The following KIAA1217 variants were observed in gnomAD, a reference collection of about 807,000 sequenced individuals.
KIAA1217 encodes sickle tail protein homolog.
A neutral mutation model predicts 163.9 loss-of-function variants in KIAA1217; 88 were observed. The ratio of observed to expected loss-of-function variants is 0.54; its 90% confidence interval spans 0.45 to 0.64. The LOEUF (loss-of-function observed/expected upper bound fraction) is 0.64. Among genes scored for constraint, KIAA1217 ranks in the 30% least tolerant of loss-of-function variants. The probability of loss-of-function intolerance (pLI) is 0.00; values close to 1 mark genes in which losing one functional copy is unlikely to be tolerated. For synonymous variants in KIAA1217, 903 were observed against 923.1 expected (o/e 0.98, Z 0.39); for missense variants, 2,372 against 2,475.0 (o/e 0.96, Z 0.88).
At chr10:24,359,668 T>A (rs2049683813) in intron 2 of KIAA1217, among the ~76,000 whole-genome samples, 2 of 152,204 alleles carry the variant, frequency 1.3e-5, no homozygotes, top group African/African-American at 4.8e-5. Context: ...CTATCCTATA[T>A]TCACTATAGG....
chr10:23,966,732 G>A (rs1845081999), intron 1 of KIAA1217, among the ~76,000 whole-genome samples: 2 of 152,306 alleles, frequency 1.3e-5, no homozygotes, highest in South Asian at 4.1e-4. Context: ...TTATGATTTA[G>A]ACTGGTGAAG....
intron 4 of KIAA1217, among the ~76,000 whole-genome samples, chr10:24,437,523 C>T (rs985000143): frequency 1.3e-5 from 2 of 152,156 alleles, no homozygotes; most frequent in Non-Finnish European, 1.5e-5. Flanking sequence ...CTAGCCCAGC[C>T]GGCATTGGAA....
chr10:24,473,873 AC>A lies in KIAA1217; in HGVS notation c.1494del (p.Met499CysfsTer23). 1 of 1,614,016 alleles carries A rather than the reference AC, an allele frequency of 6.2e-7. No individual in the cohort carries two copies. Among genetic ancestry groups the A allele is most frequent in the Non-Finnish European group, 8.5e-7 (1 of 1,179,992 alleles). On this transcript the variant is annotated frameshift_variant, in exon 6 of 21. Transcript: ENST00000376454. LOFTEE classifies it high-confidence loss of function. ...CTATAATGCCCACGGCCCCCCTCACACCATGCAGCCAGACCGGGCCTCTCCG... is the reference window on the plus strand; with the variant it reads ...CTATAATGCCCACGGCCCCCCTCACACATGCAGCCAGACCGGGCCTCTCCG... ...AHYNAHGPPH[T>X]MQPDRASPSR...
chr10:23,911,401 C>A (rs1445850159), intron 1 of KIAA1217, among the ~76,000 whole-genome samples: 4 of 152,208 alleles, frequency 2.6e-5, no homozygotes, highest in Non-Finnish European at 5.9e-5. Flanking sequence ...TCATCATTGA[C>A]AGCTTCAAGC....
intron 9 of KIAA1217, among the ~76,000 whole-genome samples, chr10:24,507,641 C>T (rs141755682): frequency 1.6e-4 from 25 of 152,044 alleles, no homozygotes; most frequent in African/African-American, 6.0e-4. Flanking sequence ...ATGTAGTGAC[C>T]AGTGAGACAA....
At chr10:23,888,554 C>T (rs1054266169) in intron 1 of KIAA1217, among the ~76,000 whole-genome samples, 1 of 151,634 alleles carries the variant, frequency 6.6e-6, no homozygotes, top group African/African-American at 2.4e-5. Context: ...TATAGAAAAC[C>T]CAGGTAATGT....
chr10:24,239,122 A>G (rs1395473997), intron 2 of KIAA1217: 1 of 982,612 alleles, frequency 1.0e-6, no homozygotes, highest in Non-Finnish European at 1.2e-6. Context: ...TTTAACAAGT[A>G]GCTACTCAAA....
At chr10:24,293,441 G>A (rs115985892) in intron 2 of KIAA1217, among the ~76,000 whole-genome samples, 2,513 of 152,220 alleles carry the variant, frequency 0.017, 63 homozygotes, top group African/African-American at 0.057. Context: ...GCACTGCCCC[G>A]CCCCGGCCCT....
chr10:24,266,762 T>C (rs984839010), intron 2 of KIAA1217, among the ~76,000 whole-genome samples: 1 of 152,104 alleles, frequency 6.6e-6, no homozygotes, highest in Non-Finnish European at 1.5e-5. Flanking sequence ...AGGACAGAAA[T>C]CGAATTTGGG....
intron 1 of KIAA1217, among the ~76,000 whole-genome samples, chr10:23,798,921 C>G (rs1836339133): frequency 1.3e-5 from 2 of 152,176 alleles, no homozygotes; most frequent in Non-Finnish European, 1.5e-5. Context: ...GTGTCTCAAA[C>G]AACAACAAAA....
intron 1 of KIAA1217, among the ~76,000 whole-genome samples, chr10:23,858,138 C>A (rs1461672677): frequency 1.3e-5 from 2 of 151,980 alleles, no homozygotes; most frequent in Non-Finnish European, 2.9e-5. Flanking sequence ...GAAACGGGAG[C>A]CAAGGCCGGA....
chr10:24,327,959 A>C (rs561885175), intron 2 of KIAA1217, among the ~76,000 whole-genome samples: 3 of 152,094 alleles, frequency 2.0e-5, no homozygotes, highest in Non-Finnish European at 4.4e-5. Context: ...TCCTATATGC[A>C]GTCATGCTTC....
At chr10:24,145,593 C>T (rs906451187) in intron 2 of KIAA1217, among the ~76,000 whole-genome samples, 4 of 152,170 alleles carry the variant, frequency 2.6e-5, no homozygotes, top group Non-Finnish European at 4.4e-5. Flanking sequence ...TATTGACTCA[C>T]GTGATCACAA....
chr10:24,084,211 A>G (rs1358961807), intron 2 of KIAA1217, among the ~76,000 whole-genome samples: 1 of 152,214 alleles, frequency 6.6e-6, no homozygotes, highest in Non-Finnish European at 1.5e-5. Context: ...CTATATTTTG[A>G]CATAGTAGAC....
At chr10:24,247,396 T>C (rs1168294751) in intron 2 of KIAA1217, among the ~76,000 whole-genome samples, 1 of 152,192 alleles carries the variant, frequency 6.6e-6, no homozygotes, top group African/African-American at 2.4e-5. Context: ...TCCCCAAGTG[T>C]TGGGATTATA....
chr10:24,408,794 C>A (rs1247603228), intron 3 of KIAA1217, among the ~76,000 whole-genome samples: 1 of 152,134 alleles, frequency 6.6e-6, no homozygotes, highest in Non-Finnish European at 1.5e-5. Context: ...TCTGAAATAT[C>A]CTTTCCTTCC....
chr10:24,299,419 C>G (rs1289994410), intron 2 of KIAA1217, among the ~76,000 whole-genome samples: 1 of 151,986 alleles, frequency 6.6e-6, no homozygotes, highest in East Asian at 1.9e-4. Context: ...GAGTTTTTTC[C>G]TTTTTTTCTG....
At chr10:23,989,998 C>A (rs1397142313) in intron 1 of KIAA1217, among the ~76,000 whole-genome samples, 1 of 152,224 alleles carries the variant, frequency 6.6e-6, no homozygotes, top group Non-Finnish European at 1.5e-5. Flanking sequence ...GCACAAAGTA[C>A]ACACCAAAGA....
At chr10:24,340,606 A>C (rs2046970555) in intron 2 of KIAA1217, among the ~76,000 whole-genome samples, 1 of 151,826 alleles carries the variant, frequency 6.6e-6, no homozygotes, top group Non-Finnish European at 1.5e-5. Flanking sequence ...TCTTCCCTCC[A>C]CCCACATCTC....
Sources: allele counts gnomAD v4.1 joint callset (sites outside exome capture counted in the v4.1 genomes callset), GRCh38; gene constraint gnomAD v4.1.1; transcripts MANE v1.5; gene names NCBI Gene and HGNC (gene_info 2026-07-23, HGNC 2026-07-21).